Variants in GPR158 observed in about 807,000 individuals in gnomAD.
GPR158 encodes the protein metabotropic glycine receptor.
Under a neutral mutation model 78.2 loss-of-function variants are expected in GPR158, and 30 were observed. The observed-to-expected ratio is 0.38, with a 90% CI of 0.29 to 0.52. GPR158 has a LOEUF of 0.52. Ranked by LOEUF, GPR158 falls within the 20% of genes least tolerant of loss-of-function variation. The probability of loss-of-function intolerance (pLI) is 0.83; values close to 1 mark genes in which losing one functional copy is unlikely to be tolerated. For missense variants in GPR158, 1,463 were observed against 1,523.5 expected, an observed-to-expected ratio of 0.96 and a Z score of 0.66; for synonymous variants, 581 against 591.1, an observed-to-expected ratio of 0.98 and a Z score of 0.25.
intron 2 of GPR158, among the ~76,000 whole-genome samples, chr10:25,327,121 G>A (rs78495875): frequency 0.018 from 2,784 of 152,192 alleles, 67 homozygotes; most frequent in African/African-American, 0.054. Context: ...CCTTAATAAA[G>A]CTGGAGAGAA....
At chr10:25,414,627 G>A (rs1834634976) in intron 4 of GPR158, among the ~76,000 whole-genome samples, 1 of 152,118 alleles carries the variant, frequency 6.6e-6, no homozygotes, top group African/African-American at 2.4e-5. Context: ...GTAGAGATTA[G>A]AGATTTATAG....
At chr10:25,212,627 CTTTTTTTTT>C (rs10642944) in intron 1 of GPR158, among the ~76,000 whole-genome samples, 3 of 78,578 alleles carry the variant, frequency 3.8e-5, no homozygotes, top group African/African-American at 1.1e-4. Context: ...GAATTTATAG[CTTTTTTTTT>C]TTTTTTTTTT....
chr10:25,369,378 G>C (rs1186356036), intron 2 of GPR158, among the ~76,000 whole-genome samples: 3 of 149,580 alleles, frequency 2.0e-5, no homozygotes, highest in African/African-American at 7.6e-5. Flanking sequence ...TTAGCATGAA[G>C]GGTTGTTGAA....
intron 2 of GPR158, among the ~76,000 whole-genome samples, chr10:25,351,769 C>G (rs1855477009): frequency 6.7e-6 from 1 of 148,990 alleles, no homozygotes; most frequent in African/African-American, 2.5e-5. Flanking sequence ...GTTCAGGGGT[C>G]CGTGTGCACG....
At chr10:25,513,392 T>C (rs765759194) in intron 5 of GPR158, among the ~76,000 whole-genome samples, 63 of 152,076 alleles carry the variant, frequency 4.1e-4, no homozygotes, top group Non-Finnish European at 7.4e-5. Flanking sequence ...CATTTCTAAT[T>C]GAGCTTATTT....
chr10:25,392,487 A>C (rs1834313656), intron 2 of GPR158, among the ~76,000 whole-genome samples: 1 of 152,236 alleles, frequency 6.6e-6, no homozygotes, highest in South Asian at 2.1e-4. Flanking sequence ...CTGGCTGGCA[A>C]AATGACACTC....
At chr10:25,377,100 C>G (rs1284595946) in intron 2 of GPR158, among the ~76,000 whole-genome samples, 3 of 151,764 alleles carry the variant, frequency 2.0e-5, no homozygotes, top group Admixed American at 6.6e-5. Context: ...TAGCCACTAT[C>G]TTTTAAAATG....
At chr10:25,294,074 C>T (rs1854477712) in intron 2 of GPR158, among the ~76,000 whole-genome samples, 2 of 152,100 alleles carry the variant, frequency 1.3e-5, no homozygotes, top group African/African-American at 4.8e-5. Flanking sequence ...TTAAATGATG[C>T]AGGTTTACTT....
intron 5 of GPR158, among the ~76,000 whole-genome samples, chr10:25,469,781 C>T (rs865821064): frequency 7.3e-5 from 4 of 54,510 alleles, no homozygotes; most frequent in African/African-American, 2.8e-4. Context: ...GAGACTCCAT[C>T]TCAAAAAAAA....
chr10:25,573,103 G>A (rs1165657448), intron 7 of GPR158, among the ~76,000 whole-genome samples: 3 of 152,178 alleles, frequency 2.0e-5, no homozygotes, highest in Non-Finnish European at 4.4e-5. Context: ...TAGCTTTGTT[G>A]ATAAAATGTA....
intron 1 of GPR158, among the ~76,000 whole-genome samples, chr10:25,195,136 T>C (rs536172629): frequency 7.3e-5 from 11 of 151,700 alleles, no homozygotes; most frequent in Non-Finnish European, 1.2e-4. Context: ...GAGTTGCTAA[T>C]TGCCTTTTTA....
chr10:25,360,068 G>A (rs1316394790), intron 2 of GPR158, among the ~76,000 whole-genome samples: 1 of 152,134 alleles, frequency 6.6e-6, no homozygotes, highest in East Asian at 1.9e-4. Flanking sequence ...CTTTTAAGAA[G>A]TGTCTGTTCA....
chr10:25,202,866 C>T (rs2130657407), intron 1 of GPR158, among the ~76,000 whole-genome samples: 1 of 152,302 alleles, frequency 6.6e-6, no homozygotes, highest in East Asian at 1.9e-4. Flanking sequence ...TTTACACTCC[C>T]ACCAACAGTG....
chr10:25,322,430 C>A (rs906659245), intron 2 of GPR158, among the ~76,000 whole-genome samples: 5 of 152,024 alleles, frequency 3.3e-5, no homozygotes, highest in Non-Finnish European at 2.9e-5. Flanking sequence ...GTGGACCCAT[C>A]CTTAGATGAA....
intron 6 of GPR158, among the ~76,000 whole-genome samples, chr10:25,565,638 A>T (rs888628565): frequency 1.3e-5 from 2 of 152,174 alleles, no homozygotes; most frequent in Non-Finnish European, 2.9e-5. Flanking sequence ...TGATTTTGCT[A>T]CTGACTGTTT....
intron 5 of GPR158, among the ~76,000 whole-genome samples, chr10:25,537,929 C>T (rs58691965): frequency 0.029 from 4,460 of 152,186 alleles, 227 homozygotes; most frequent in African/African-American, 0.1. Flanking sequence ...GTAGAGCCTG[C>T]GGAACTGTGA....
intron 2 of GPR158, among the ~76,000 whole-genome samples, chr10:25,235,572 T>C (rs769645388): frequency 5.3e-5 from 8 of 152,034 alleles, no homozygotes; most frequent in Admixed American, 1.3e-4. Flanking sequence ...TAGTATTGCA[T>C]AGTAGTTAAA....
At chr10:25,268,013 T>C (rs1161678165) in intron 2 of GPR158, among the ~76,000 whole-genome samples, 1 of 152,192 alleles carries the variant, frequency 6.6e-6, no homozygotes, top group Non-Finnish European at 1.5e-5. Flanking sequence ...TTAAAATTAA[T>C]ACATTTGAAT....
At position 25,175,521 on chromosome 10, in the gene GPR158, C is replaced by T. The variant is rs772501752; in HGVS notation, c.101C>T (p.Ser34Phe). The T allele has an allele frequency of 6.2e-7, 1 of 1,612,382 alleles. No individual in the cohort carries two copies. Among genetic ancestry groups the T allele is most frequent in the South Asian group, 1.1e-5 (1 of 91,062 alleles). The change falls in exon 1 of 11, where the codon TCC (serine) becomes TTC (phenylalanine). Residue 34 changes from serine to phenylalanine, a missense_variant. Physicochemically the swap from Ser to Phe is radical, Grantham distance 155. Transcript: ENST00000376351. The surrounding 1 kb of genome is among the most constrained non-coding windows in gnomAD (Gnocchi z 6.4). ...ASRDPQGRPD[S>F]PRERTPKGKP... ...CGCGACCCCCAAGGACGGCCGGATT[C>T]CCCTCGAGAGAGGACCCCGAAGGGG...
Sources: gnomAD v4.1 joint callset for allele counts (sites outside exome capture counted in the v4.1 genomes callset) on GRCh38, gnomAD v4.1.1 for gene constraint, Gnocchi (gnomAD v3.1) non-coding constraint, MANE v1.5 for transcripts, NCBI Gene and HGNC (gene_info 2026-07-23, HGNC 2026-07-21) for gene names.